SLC8A2: variants seen among roughly 807,000 people sequenced by gnomAD.
The protein encoded by SLC8A2 is sodium/calcium exchanger 2.
Under a neutral mutation model 70.2 loss-of-function variants are expected in SLC8A2, and 14 were observed. The ratio of observed to expected loss-of-function variants is 0.20; its 90% CI spans 0.13 to 0.31. The LOEUF (loss-of-function observed/expected upper bound fraction) is 0.31. Ranked by LOEUF, SLC8A2 falls within the 10% of genes least tolerant of loss-of-function variation. The pLI is 1.00. For synonymous variants in SLC8A2, 575 were observed against 594.3 expected, an observed-to-expected ratio of 0.97 and a Z score of 0.47; for missense variants, 779 against 1,320.1, an observed-to-expected ratio of 0.59 and a Z score of 6.35.
Position 47,431,676 on chromosome 19 carries a change from A to AAAAAC in SLC8A2, c.2389+486_2389+490dup, listed in dbSNP as rs71180841. ...CCACACCAAAAAAAAAAAAAAAAAA[A>AAAAAC]AAAACAAAACCCAAAAAAACCAACT... is the stretch of plus-strand genomic sequence containing the variant. On this transcript the variant is annotated intron_variant, in intron 9 of 9. Coordinates refer to ENST00000236877, the MANE Select transcript of SLC8A2 (RefSeq NM_015063.3). 1.6e-3 allele frequency among the ~76,000 whole-genome samples: 186 copies of AAAAAC among 113,570 alleles called. 1 individual carries two copies. The highest frequency in any genetic ancestry group is 6.0e-3 in the Middle Eastern group (1 of 168). The allele number at this position is 113,570 out of a possible 152,430, so 74.5% of individuals were successfully genotyped here.
In SLC8A2 at chr19:47,447,257, C is replaced by A; in HGVS notation, c.1763+552G>T. The stretch of plus-strand genomic sequence containing the variant: ...CCCCACCTATCGCCCTGGACCCGCC[C>A]CCTCTCCACAGCCACCGACAGCGTC... On this transcript the variant is annotated intron_variant, in intron 4 of 9. Coordinates refer to ENST00000236877, the MANE Select transcript of SLC8A2 (RefSeq NM_015063.3). The surrounding 1 kb of genome is among the most constrained non-coding windows in gnomAD (Gnocchi z 5.1). Among the ~76,000 whole-genome samples, 1 of 151,900 alleles carries A rather than the reference C, an allele frequency of 6.6e-6. No homozygotes were observed. Among genetic ancestry groups the A allele is most frequent in the Non-Finnish European group, 1.5e-5 (1 of 67,980 alleles).
intron 2 of SLC8A2, among the ~76,000 whole-genome samples, chr19:47,458,733 A>G (rs1411135184): frequency 1.4e-5 from 2 of 147,306 alleles, no homozygotes; most frequent in African/African-American, 5.1e-5. Context: ...GTAGATCTCC[A>G]TCTCCCTCCC....
Position 47,468,248 on chromosome 19 carries a change from C to T in SLC8A2, c.-16-1829G>A, listed in dbSNP as rs1383358759. Among the ~76,000 whole-genome samples the T allele has an allele frequency of 6.6e-6, 1 of 152,134 alleles. No individual in the cohort carries two copies. Among genetic ancestry groups the T allele is most frequent in the African/African-American group, 2.4e-5 (1 of 41,442 alleles). On this transcript the variant is annotated intron_variant, in intron 1 of 9. Coordinates refer to ENST00000236877, the MANE Select transcript of SLC8A2 (RefSeq NM_015063.3). The surrounding 1 kb of genome is among the most constrained non-coding windows in gnomAD (Gnocchi z 5.1). ...CTCCTCAGCCTCACCAGACAAGCTT[C>T]TGCCTTGGAGCCCTGGCACCTGCTG...
intron 8 of SLC8A2, among the ~76,000 whole-genome samples, chr19:47,433,818 AT>A (rs1170578391): frequency 6.6e-6 from 1 of 151,776 alleles, no homozygotes; most frequent in African/African-American, 2.4e-5. Context: ...ATTTTTTTGT[AT>A]TTTTACTAGA....
intron 1 of SLC8A2, among the ~76,000 whole-genome samples, chr19:47,469,812 G>C (rs757097500): frequency 1.3e-5 from 2 of 152,174 alleles, no homozygotes; most frequent in Non-Finnish European, 2.9e-5. Flanking sequence ...AGCGGGGAGG[G>C]CAGATGGCAG....
intron 8 of SLC8A2, among the ~76,000 whole-genome samples, chr19:47,436,519 T>C (rs1187897330): frequency 6.6e-6 from 1 of 152,220 alleles, no homozygotes; most frequent in African/African-American, 2.4e-5. Flanking sequence ...TGCCTTGTAT[T>C]TTCCCATCCC....
chr19:47,449,524 A>G (rs961142303), intron 3 of SLC8A2, among the ~76,000 whole-genome samples: 1 of 152,016 alleles, frequency 6.6e-6, no homozygotes, highest in African/African-American at 2.4e-5. Context: ...GGGTTTCATC[A>G]TGTTGGCCAG....
At position 47,465,596 on chromosome 19, in the gene SLC8A2, C is replaced by T. The variant is rs938944946; in HGVS notation, c.675+133G>A. 27 of 801,416 alleles carry T rather than the reference C, an allele frequency of 3.4e-5. No individual in the cohort carries two copies. Among genetic ancestry groups the T allele is most frequent in the South Asian group, 1.3e-4 (7 of 54,792 alleles). 49.6% of individuals were successfully genotyped at this position (801,416 alleles called of 1,614,324 possible). A position where few individuals can be genotyped will look rare whatever the true frequency, so the allele number is the denominator to read the frequency against. ...TGTGTAGTCTGGTGACCTGCACAACCGTACTTGGCAGCCCTCTCAGATGTG... is the reference window on the plus strand; with the variant it reads ...TGTGTAGTCTGGTGACCTGCACAACTGTACTTGGCAGCCCTCTCAGATGTG... On this transcript the variant is annotated intron_variant, in intron 2 of 9. Transcript: ENST00000236877. The surrounding 1 kb of genome is among the most constrained non-coding windows in gnomAD (Gnocchi z 5.5).
intron 1 of SLC8A2, among the ~76,000 whole-genome samples, chr19:47,469,153 T>C (rs920563650): frequency 1.3e-5 from 2 of 149,794 alleles, no homozygotes; most frequent in African/African-American, 2.5e-5. Flanking sequence ...TGTGTGTGTG[T>C]GCAGGCAAGG....
In SLC8A2 at chr19:47,457,583, C is replaced by G; in HGVS notation, c.687G>C (p.Ala229=). The G allele has an allele frequency of 6.4e-7, 1 of 1,561,742 alleles. No individual in the cohort carries two copies. The highest frequency in any genetic ancestry group is 8.7e-7 in the Non-Finnish European group (1 of 1,154,200). ...FSPGVVQVWE[A]LLTLVFFPVC... ...CCGGGAAGAAGACCAGGGTCAGCAG[C>G]GCCTCCCACACCTGCGGGCGGCGGG... The change falls in exon 3 of 10, where the codon GCG becomes GCC. Residue 229 remains alanine (A), a synonymous_variant. Transcript: ENST00000236877.
chr19:47,459,488 C>A (rs975594071), intron 2 of SLC8A2, among the ~76,000 whole-genome samples: 1 of 149,826 alleles, frequency 6.7e-6, no homozygotes, highest in African/African-American at 2.4e-5. Flanking sequence ...CTCCCTCCCT[C>A]TCTCTCTTGC....
intron 8 of SLC8A2, 63 bp downstream of exon 8, chr19:47,437,399 C>T: frequency 8.6e-7 from 1 of 1,159,148 alleles, no homozygotes. Flanking sequence ...TTCATTTCTC[C>T]CCCTTTCCCT....
rs1967269559 is a variant in SLC8A2 at position 47,453,559 on chromosome 19, T to C, written c.1340+3371A>G. Reference sequence around the variant, plus strand: ...AGGATAGGAAGATGTTGACTCTTCTTAGCCCTTTGGTTCCAGCACTGAACA... The same window carrying C: ...AGGATAGGAAGATGTTGACTCTTCTCAGCCCTTTGGTTCCAGCACTGAACA... On this transcript the variant is annotated intron_variant, in intron 3 of 9. Transcript: ENST00000236877. 2.6e-5 allele frequency among the ~76,000 whole-genome samples: 4 copies of C among 152,322 alleles called. No homozygotes were observed. The South Asian group carries it at 8.3e-4, about 32-fold the overall frequency.
intron 6 of SLC8A2, 56 bp downstream of exon 6, chr19:47,441,113 C>A (rs1322320015): frequency 2.6e-6 from 4 of 1,562,692 alleles, no homozygotes; most frequent in Admixed American, 1.7e-5. Flanking sequence ...GACCCTCCCC[C>A]AGGCCCTCTT....
At chr19:47,438,729 A>C (rs1967062190) in intron 6 of SLC8A2, among the ~76,000 whole-genome samples, 1 of 152,128 alleles carries the variant, frequency 6.6e-6, no homozygotes, top group Non-Finnish European at 1.5e-5. Flanking sequence ...ATCTGACCTC[A>C]GCACAACCCT....
chr19:47,432,592 C>G lies in SLC8A2; in HGVS notation c.2111-147G>C, dbSNP rs898866023. The G allele has an allele frequency of 1.0e-5, 7 of 703,060 alleles. No individual in the cohort carries two copies. In the African/African-American group the frequency reaches 1.3e-4, roughly 13 times the overall value. The allele number at this position is 703,060 out of a possible 1,614,324, so 43.6% of individuals were successfully genotyped here. Reference sequence around the variant, plus strand: ...TTGCACCTACCTGTGGCCAAGTCAACTGCTAAAAACAGTTACTTTCCCAGA... The same window carrying G: ...TTGCACCTACCTGTGGCCAAGTCAAGTGCTAAAAACAGTTACTTTCCCAGA... On this transcript the variant is annotated intron_variant, in intron 8 of 9. Coordinates refer to ENST00000236877, the MANE Select transcript of SLC8A2 (RefSeq NM_015063.3). This position sits in a 1 kb window ranked among gnomAD's most constrained non-coding sequence, Gnocchi z 6.2.
rs1426170661 is a variant in SLC8A2 at position 47,429,007 on chromosome 19, C to G, written c.*1082G>C. ...CCCTTGGCCCAGTCCCATCCCCCCA[C>G]CCATCCCCACCCCCCATCAGGCAGA... On this transcript the variant is annotated 3_prime_UTR_variant, in exon 10 of 10. Coordinates refer to ENST00000236877, the MANE Select transcript of SLC8A2 (RefSeq NM_015063.3). 2 of 148,072 alleles carry G rather than the reference C, an allele frequency of 1.4e-5. No homozygotes were observed. The highest frequency in any genetic ancestry group is 3.0e-5 in the Non-Finnish European group (2 of 66,872). The allele number at this position is 148,072 out of a possible 1,614,324, so 9.2% of individuals were successfully genotyped here.
intron 3 of SLC8A2, among the ~76,000 whole-genome samples, chr19:47,449,318 TTGTTG>T (rs1482093564): frequency 6.6e-6 from 1 of 151,926 alleles, no homozygotes; most frequent in Non-Finnish European, 1.5e-5. Flanking sequence ...AAAGAGTTTT[TTGTTG>T]TGTTTTGTTT....
At chr19:47,437,647 G>A (rs1967047270) in intron 7 of SLC8A2, 86 bp from the exon 8 acceptor site, 6 of 1,244,224 alleles carry the variant, frequency 4.8e-6, no homozygotes, top group Non-Finnish European at 7.1e-6. Context: ...GGGGCTCACA[G>A]CCTGTGCCCA....
Sources: allele counts gnomAD v4.1 joint callset (sites outside exome capture counted in the v4.1 genomes callset), GRCh38; gene constraint gnomAD v4.1.1; non-coding constraint Gnocchi (gnomAD v3.1); transcripts MANE v1.5; gene names NCBI Gene and HGNC (gene_info 2026-07-23, HGNC 2026-07-21).